The following GRM8 variants were observed in gnomAD, a reference collection of about 807,000 sequenced individuals.
GRM8 encodes metabotropic glutamate receptor 8.
GRM8 carries 47 observed loss-of-function variants against 87.2 expected under a neutral mutation model. That is an observed-to-expected ratio of 0.54 (90% confidence interval 0.43 to 0.69). The LOEUF (loss-of-function observed/expected upper bound fraction) is 0.69. Among genes scored for constraint, GRM8 ranks in the 30% least tolerant of loss-of-function variants. The pLI, the probability that GRM8 is intolerant of heterozygous loss-of-function variation, is 0.00. For missense variants in GRM8, 1,019 were observed against 1,139.2 expected, an observed-to-expected ratio of 0.89 and a Z score of 1.52; for synonymous variants, 396 against 404.5, an observed-to-expected ratio of 0.98 and a Z score of 0.25.
At chr7:127,148,269 A>C (rs184272586) in intron 2 of GRM8, among the ~76,000 whole-genome samples, 156 of 152,110 alleles carry the variant, frequency 1.0e-3, no homozygotes, top group African/African-American at 3.7e-3. Flanking sequence ...TCAATTCATC[A>C]AGAGGACATG....
At chr7:126,508,403 C>T (rs963973353) in intron 9 of GRM8, among the ~76,000 whole-genome samples, 4 of 151,924 alleles carry the variant, frequency 2.6e-5, no homozygotes, top group African/African-American at 9.7e-5. Flanking sequence ...AGAGCCCATT[C>T]CTAAAAGCCC....
chr7:126,572,404 T>C (rs1794760060), intron 8 of GRM8, among the ~76,000 whole-genome samples: 1 of 152,200 alleles, frequency 6.6e-6, no homozygotes, highest in African/African-American at 2.4e-5. Context: ...TGCTGATAGA[T>C]AGACATGAAT....
intron 7 of GRM8, among the ~76,000 whole-genome samples, chr7:126,657,002 T>C (rs1308763530): frequency 2.6e-5 from 4 of 152,248 alleles, no homozygotes; most frequent in Non-Finnish European, 5.9e-5. Flanking sequence ...GGCTGTGATT[T>C]AGTAATGTTC....
intron 2 of GRM8, among the ~76,000 whole-genome samples, chr7:127,114,833 T>C (rs1245127263): frequency 2.0e-5 from 3 of 152,166 alleles, no homozygotes; most frequent in Non-Finnish European, 4.4e-5. Context: ...CTCACCTCCT[T>C]TTCATGGGTA....
chr7:127,174,104 C>A (rs1378885901), intron 2 of GRM8, among the ~76,000 whole-genome samples: 1 of 152,144 alleles, frequency 6.6e-6, no homozygotes, highest in Non-Finnish European at 1.5e-5. Context: ...TTTAGATATT[C>A]ATCATACATA....
intron 2 of GRM8, among the ~76,000 whole-genome samples, chr7:127,191,771 T>C (rs1190804321): frequency 6.6e-6 from 1 of 152,222 alleles, no homozygotes; most frequent in Non-Finnish European, 1.5e-5. Flanking sequence ...ACTGACTTTC[T>C]GCTTAATTCT....
chr7:126,504,632 T>C (rs560030330), intron 9 of GRM8, among the ~76,000 whole-genome samples: 3 of 152,176 alleles, frequency 2.0e-5, no homozygotes, highest in Non-Finnish European at 4.4e-5. Context: ...AACCTGCACA[T>C]GTGCCCCTGA....
At chr7:126,534,219 C>T (rs762815094) in intron 8 of GRM8, among the ~76,000 whole-genome samples, 2 of 152,016 alleles carry the variant, frequency 1.3e-5, no homozygotes, top group Non-Finnish European at 2.9e-5. Context: ...GAAGAAGCCC[C>T]GTAGAAAGAT....
chr7:127,147,527 C>G (rs1011377115), intron 2 of GRM8, among the ~76,000 whole-genome samples: 1 of 152,040 alleles, frequency 6.6e-6, no homozygotes, highest in Non-Finnish European at 1.5e-5. Flanking sequence ...CCTATCCCCC[C>G]ACTCACCTTG....
intron 2 of GRM8, among the ~76,000 whole-genome samples, chr7:127,147,410 T>C (rs1828611773): frequency 6.6e-6 from 1 of 152,020 alleles, no homozygotes; most frequent in Non-Finnish European, 1.5e-5. Context: ...CTAATACATA[T>C]TGTTAAACCC....
chr7:126,924,654 C>G (rs1804899112), intron 3 of GRM8, among the ~76,000 whole-genome samples: 1 of 151,788 alleles, frequency 6.6e-6, no homozygotes, highest in South Asian at 2.1e-4. Flanking sequence ...GATTCTCTCT[C>G]TCTTTATAGA....
intron 7 of GRM8, among the ~76,000 whole-genome samples, chr7:126,643,290 CAAAAAAAAAAAAAAAAA>C (rs1157527693): frequency 5.5e-4 from 11 of 20,108 alleles, no homozygotes; most frequent in Admixed American, 1.6e-3. Flanking sequence ...GAACTTGTCT[CAAAAAAAAAAAAAAAAA>C]AAAAAAAAAA....
chr7:126,903,711 A>ATGTGTATATATATATGTATATG lies in GRM8; in HGVS notation c.1018+239_1018+260dup, dbSNP rs1563300605. On this transcript the variant is annotated intron_variant, in intron 5 of 10. Coordinates refer to ENST00000339582, the MANE Select transcript of GRM8 (RefSeq NM_000845.3). ...TGTATATGTGTATATATATATGTAT[A>ATGTGTATATATATATGTATATG]TGTGTATATATATATGTATATGTGT... Among the ~76,000 whole-genome samples, 26 of 141,718 alleles carry ATGTGTATATATATATGTATATG rather than the reference A, an allele frequency of 1.8e-4. 1 individual carries two copies. Among genetic ancestry groups the ATGTGTATATATATATGTATATG allele is most frequent in the African/African-American group, 6.5e-4 (25 of 38,388 alleles). 93.0% of individuals were successfully genotyped at this position (141,718 alleles called of 152,430 possible). A position where few individuals can be genotyped will look rare whatever the true frequency, so the allele number is the denominator to read the frequency against.
intron 3 of GRM8, among the ~76,000 whole-genome samples, chr7:127,033,039 G>C (rs547170628): frequency 1.8e-4 from 22 of 119,184 alleles, no homozygotes; most frequent in African/African-American, 7.0e-4. Context: ...ATGGTATCTT[G>C]TTTTAATAAT....
chr7:126,920,547 A>T (rs925325632), intron 3 of GRM8, among the ~76,000 whole-genome samples: 2 of 152,136 alleles, frequency 1.3e-5, no homozygotes, highest in African/African-American at 4.8e-5. Flanking sequence ...TGTTCTACTT[A>T]ACATGATGAA....
intron 9 of GRM8, among the ~76,000 whole-genome samples, chr7:126,513,347 T>C (rs1584896595): frequency 1.3e-5 from 2 of 152,182 alleles, no homozygotes; most frequent in East Asian, 3.9e-4. Context: ...TGTGTAGTGA[T>C]AAAAACAGCA....
At chr7:126,974,018 G>C (rs1810699862) in intron 3 of GRM8, among the ~76,000 whole-genome samples, 1 of 152,228 alleles carries the variant, frequency 6.6e-6, no homozygotes, top group East Asian at 1.9e-4. Context: ...TGCTACACAG[G>C]TACCTGAGAT....
At chr7:126,912,129 G>A (rs1268554336) in intron 3 of GRM8, among the ~76,000 whole-genome samples, 4 of 152,146 alleles carry the variant, frequency 2.6e-5, no homozygotes, top group African/African-American at 4.8e-5. Context: ...CCCGGGAGGC[G>A]GAGCTTGCAG....
At chr7:126,680,386 T>TAA (rs1807417852) in intron 7 of GRM8, among the ~76,000 whole-genome samples, 1 of 152,248 alleles carries the variant, frequency 6.6e-6, no homozygotes, top group Non-Finnish European at 1.5e-5. Context: ...TTCAAGTTTC[T>TAA]AAATAATTGA....
Sources: gnomAD v4.1 joint callset for allele counts (sites outside exome capture counted in the v4.1 genomes callset) on GRCh38, gnomAD v4.1.1 for gene constraint, MANE v1.5 for transcripts, NCBI Gene and HGNC (gene_info 2026-07-23, HGNC 2026-07-21) for gene names.